Variants in PCDHGA6 observed in about 807,000 individuals in gnomAD.
PCDHGA6 encodes the protein protocadherin gamma-A6.
Under a neutral mutation model 60.6 loss-of-function variants are expected in PCDHGA6, and 41 were observed. The observed-to-expected ratio is 0.68, with a 90% CI of 0.53 to 0.88. PCDHGA6 has a LOEUF of 0.88. Ranked by LOEUF, PCDHGA6 falls within the 40% of genes least tolerant of loss-of-function variation. The probability of loss-of-function intolerance (pLI) is 0.00; values close to 1 mark genes in which losing one functional copy is unlikely to be tolerated. For missense variants in PCDHGA6, 1,312 were observed against 1,203.0 expected (o/e 1.09, Z -1.34); for synonymous variants, 594 against 524.4 (o/e 1.13, Z -1.81).
intron 2 of PCDHGA6, among the ~76,000 whole-genome samples, chr5:141,496,467 TC>T (rs1289225541): frequency 1.3e-5 from 2 of 152,176 alleles, no homozygotes; most frequent in Admixed American, 1.3e-4. Flanking sequence ...GAGTTATCTT[TC>T]CCCCATCCTG....
chr5:141,393,103 C>A lies in PCDHGA6; in HGVS notation c.2424+16596C>A, dbSNP rs776552182. On this transcript the variant is annotated intron_variant, in intron 1 of 3. Coordinates refer to ENST00000517434, the MANE Select transcript of PCDHGA6 (RefSeq NM_018919.3). ...AGGATAGATCGGGAGGAGCTCTGCGCTCAGAGCCCGCGGTGTCTGATAAAT... is the reference window on the plus strand; with the variant it reads ...AGGATAGATCGGGAGGAGCTCTGCGATCAGAGCCCGCGGTGTCTGATAAAT... The A allele has an allele frequency of 3.2e-5, 51 of 1,613,464 alleles. No homozygotes were observed. Among genetic ancestry groups the A allele is most frequent in the South Asian group, 1.5e-4 (14 of 91,088 alleles).
Position 141,432,098 on chromosome 5 carries a change from G to A in PCDHGA6, c.2424+55591G>A. 1.2e-6 allele frequency: 2 copies of A among 1,614,056 alleles called. No homozygotes were observed. Among genetic ancestry groups the A allele is most frequent in the Non-Finnish European group, 1.7e-6 (2 of 1,180,002 alleles). ...CTCGCTGAACGTGGCAGACACCAAC[G>A]ACAACCCGCCGGTCTTCCCTCAGGC... On this transcript the variant is annotated intron_variant, in intron 1 of 3. Transcript: ENST00000517434. The surrounding 1 kb of genome is among the most constrained non-coding windows in gnomAD (Gnocchi z 6.0).
At chr5:141,400,441 G>T (rs757449650) in intron 1 of PCDHGA6, 29 of 1,613,966 alleles carry the variant, frequency 1.8e-5, no homozygotes, top group Non-Finnish European at 2.1e-5. Flanking sequence ...ATTGAGTTCA[G>T]GACAAGACAT....
intron 1 of PCDHGA6, chr5:141,417,493 G>A (rs1463793261): frequency 4.7e-6 from 1 of 214,978 alleles, no homozygotes; most frequent in East Asian, 1.1e-4. Context: ...GAATCACTGA[G>A]GAAAAAGATT....
chr5:141,398,829 C>G (rs1020690994), intron 1 of PCDHGA6: 2 of 1,613,876 alleles, frequency 1.2e-6, no homozygotes, highest in African/African-American at 1.3e-5. Context: ...AGGTAACCGA[C>G]GCCAATGATA....
intron 1 of PCDHGA6, among the ~76,000 whole-genome samples, chr5:141,452,401 G>C (rs2098740635): frequency 6.6e-6 from 1 of 152,134 alleles, no homozygotes. Flanking sequence ...CTAAGATCTG[G>C]GTGTGAGGTA....
chr5:141,414,647 T>C (rs1369045439), intron 1 of PCDHGA6: 3 of 1,613,926 alleles, frequency 1.9e-6, no homozygotes, highest in South Asian at 2.2e-5. Flanking sequence ...AATGCCCAGA[T>C]TATTTACTCC....
chr5:141,420,044 T>C lies in PCDHGA6; in HGVS notation c.2424+43537T>C, dbSNP rs769790599. 1.7e-5 allele frequency: 27 copies of C among 1,613,934 alleles called. No individual in the cohort carries two copies. In the East Asian group the frequency reaches 6.0e-4, roughly 36 times the overall value. On this transcript the variant is annotated intron_variant, in intron 1 of 3. Coordinates refer to ENST00000517434, the MANE Select transcript of PCDHGA6 (RefSeq NM_018919.3). ...CCCTACTGCAGGAGACTGCTTTGAG[T>C]CAGTTCTCTGCTCCAAGTCCGGACC...
chr5:141,388,170 T>A (rs756859307), intron 1 of PCDHGA6: 1 of 1,495,754 alleles, frequency 6.7e-7, no homozygotes, highest in East Asian at 2.3e-5. Context: ...GGAGGAGATA[T>A]GCGGGAAGAA....
At chr5:141,384,231 C>T in intron 1 of PCDHGA6, 2 of 1,613,928 alleles carry the variant, frequency 1.2e-6, no homozygotes, top group Non-Finnish European at 1.7e-6. Flanking sequence ...AGGTGGCAGA[C>T]ACCAACGATA....
intron 1 of PCDHGA6, chr5:141,408,661 G>T (rs1462103250): frequency 1.2e-6 from 2 of 1,613,888 alleles, no homozygotes; most frequent in Middle Eastern, 3.3e-4. Context: ...CACGACTATC[G>T]CTTGACCCTG....
At chr5:141,509,117 G>A (rs1271574654) in intron 3 of PCDHGA6, among the ~76,000 whole-genome samples, 1 of 152,150 alleles carries the variant, frequency 6.6e-6, no homozygotes, top group Admixed American at 6.5e-5. Flanking sequence ...GCGCTGGTGC[G>A]TGAAGAGAAA....
chr5:141,389,234 C>A, intron 1 of PCDHGA6: 2 of 1,614,076 alleles, frequency 1.2e-6, no homozygotes, highest in Non-Finnish European at 1.7e-6. Context: ...CTCCGGTTTT[C>A]TCACAGTCTT....
intron 1 of PCDHGA6, chr5:141,415,281 C>T (rs1321418691): frequency 6.2e-7 from 1 of 1,614,080 alleles, no homozygotes; most frequent in African/African-American, 1.3e-5. Context: ...TAGCGGTGGC[C>T]GCGGTCTCCT....
In PCDHGA6 at chr5:141,380,794, G is replaced by A. The variant is rs116753480; in HGVS notation, c.2424+4287G>A. ...AGACTTTTTTAAAACAGTAGAATAA[G>A]AAACAAATGTGAGATGAAACTATGA... On this transcript the variant is annotated intron_variant, in intron 1 of 3. Transcript: ENST00000517434. Among the ~76,000 whole-genome samples, 564 of 152,260 alleles carry A rather than the reference G, an allele frequency of 3.7e-3. 3 individuals are homozygous for A. The highest frequency in any genetic ancestry group is 0.013 in the African/African-American group (534 of 41,542).
At position 141,382,780 on chromosome 5, in the gene PCDHGA6, A is replaced by T. The variant is rs1050419701; in HGVS notation, c.2424+6273A>T. On this transcript the variant is annotated intron_variant, in intron 1 of 3. Coordinates refer to ENST00000517434, the MANE Select transcript of PCDHGA6 (RefSeq NM_018919.3). ...CCCTCTTCCAGGCTGCACTAAACTC[A>T]AGCCTCTATCCTGCTGGATTCTGAG... is the stretch of plus-strand genomic sequence containing the variant. 8.4e-6 allele frequency: 7 copies of T among 836,240 alleles called. No homozygotes were observed. The African/African-American group carries it at 1.2e-4, about 14-fold the overall frequency. 51.8% of individuals were successfully genotyped at this position (836,240 alleles called of 1,614,324 possible).
chr5:141,381,828 T>TTC (rs1777612038), intron 1 of PCDHGA6, among the ~76,000 whole-genome samples: 1 of 112,014 alleles, frequency 8.9e-6, no homozygotes, highest in Non-Finnish European at 1.8e-5. Context: ...TTCTTCTTCT[T>TTC]TTTTTTTTTT....
rs1317308437 is a variant in PCDHGA6, at chr5:141,418,492, A to G, written c.2424+41985A>G. The G allele has an allele frequency of 1.9e-6, 3 of 1,613,886 alleles. No homozygotes were observed. The African/African-American group carries it at 4.0e-5, about 22-fold the overall frequency. On this transcript the variant is annotated intron_variant, in intron 1 of 3. Coordinates refer to ENST00000517434, the MANE Select transcript of PCDHGA6 (RefSeq NM_018919.3). ...AAACGCAGAGCGCTCACCACTTGGT[A>G]CTGACCGCCTTAGATGGTGGGGACC... is the stretch of plus-strand genomic sequence containing the variant.
At chr5:141,468,960 T>TC (rs1562019766) in intron 1 of PCDHGA6, among the ~76,000 whole-genome samples, 1 of 151,348 alleles carries the variant, frequency 6.6e-6, no homozygotes, top group African/African-American at 2.4e-5. Flanking sequence ...TGGTTTTTTT[T>TC]ACCTTAGGCT....
Sources: allele counts gnomAD v4.1 joint callset (sites outside exome capture counted in the v4.1 genomes callset), GRCh38; gene constraint gnomAD v4.1.1; non-coding constraint Gnocchi (gnomAD v3.1); transcripts MANE v1.5; gene names NCBI Gene and HGNC (gene_info 2026-07-23, HGNC 2026-07-21).